PPP2R2B: variants seen among roughly 807,000 people sequenced by gnomAD.
The protein encoded by PPP2R2B is protein phosphatase 2 regulatory subunit Bbeta, also known as serine/threonine-protein phosphatase 2A 55 kDa regulatory subunit B beta isoform.
In PPP2R2B, 5 loss-of-function variants were observed where a neutral mutation model predicts 46.0. The ratio of observed to expected loss-of-function variants is 0.11; its 90% confidence interval spans 0.06 to 0.23. The LOEUF is 0.23. Among genes scored for constraint, PPP2R2B ranks in the 10% least tolerant of loss-of-function variants. The pLI, the probability that PPP2R2B is intolerant of heterozygous loss-of-function variation, is 1.00. For missense variants in PPP2R2B, 367 were observed against 575.0 expected (o/e 0.64, Z 3.70); for synonymous variants, 215 against 206.7 (o/e 1.04, Z -0.34).
intron 2 of PPP2R2B, among the ~76,000 whole-genome samples, chr5:146,739,330 C>G (rs1347009431): frequency 6.6e-6 from 1 of 152,134 alleles, no homozygotes; most frequent in African/African-American, 2.4e-5. Context: ...AGAAGTGCAT[C>G]TAAATGGAAT....
chr5:146,647,308 T>G (rs1308651886), intron 6 of PPP2R2B, among the ~76,000 whole-genome samples: 2 of 152,234 alleles, frequency 1.3e-5, no homozygotes, highest in Non-Finnish European at 2.9e-5. Context: ...TGAACCATGT[T>G]TCTTCTGTCT....
At chr5:147,004,730 A>G (rs1754352592) in intron 1 of PPP2R2B, among the ~76,000 whole-genome samples, 1 of 152,122 alleles carries the variant, frequency 6.6e-6, no homozygotes, top group Admixed American at 6.6e-5. Flanking sequence ...TAGGCATTGG[A>G]AGAAACAAAC....
chr5:146,651,982 C>G (rs1775990705), intron 5 of PPP2R2B, among the ~76,000 whole-genome samples: 1 of 152,136 alleles, frequency 6.6e-6, no homozygotes, highest in South Asian at 2.1e-4. Flanking sequence ...GAATTCTAGA[C>G]AGATGTGGTA....
At chr5:146,632,288 G>T (rs755300847) in intron 7 of PPP2R2B, among the ~76,000 whole-genome samples, 29 of 152,138 alleles carry the variant, frequency 1.9e-4, no homozygotes, top group Non-Finnish European at 3.1e-4. Flanking sequence ...AAGCCAAGGA[G>T]AGCAGTGTGG....
intron 5 of PPP2R2B, 39 bp from the exon 6 acceptor site, chr5:146,650,763 A>C (rs746506895): frequency 4.7e-5 from 74 of 1,579,894 alleles, no homozygotes; most frequent in Non-Finnish European, 3.0e-5. Context: ...AGAACCAAAG[A>C]TCTTCCATAG....
Position 146,590,045 on chromosome 5 carries a change from T to C in PPP2R2B, c.1234A>G (p.Ser412Gly). ...DEISVDSLDF[S>G]KKILHTAWHP... ...CAAGCTGTATGCAAGATCTTTTTGC[T>C]AAAGTCCAGACTGTCGACACTGATC... Residue 412 changes from serine (S) to glycine (G), a missense_variant, in exon 10 of 10, where the codon AGC becomes GGC. Coordinates refer to ENST00000394411, the MANE Select transcript of PPP2R2B (RefSeq NM_181675.4). 1 of 1,614,232 alleles carries C rather than the reference T, an allele frequency of 6.2e-7. No homozygotes were observed. The highest frequency in any genetic ancestry group is 8.5e-7 in the Non-Finnish European group (1 of 1,180,046).
intron 2 of PPP2R2B, among the ~76,000 whole-genome samples, chr5:146,791,099 A>C (rs1756170894): frequency 6.6e-6 from 1 of 152,196 alleles, no homozygotes; most frequent in African/African-American, 2.4e-5. Context: ...CCTATCTTTT[A>C]GGACCTGTTT....
At chr5:146,913,458 T>G (rs1326019337) in intron 1 of PPP2R2B, among the ~76,000 whole-genome samples, 1 of 152,194 alleles carries the variant, frequency 6.6e-6, no homozygotes, top group Non-Finnish European at 1.5e-5. Flanking sequence ...TAGTAAAAAT[T>G]GAAAGAAATA....
At chr5:146,628,876 G>T (rs370270077) in intron 7 of PPP2R2B, among the ~76,000 whole-genome samples, 6 of 152,144 alleles carry the variant, frequency 3.9e-5, no homozygotes, top group African/African-American at 9.7e-5. Context: ...TGATCCTAAT[G>T]TATTTCTAAA....
At chr5:146,881,272 C>T (rs1281511273), upstream of PPP2R2B, among the ~76,000 whole-genome samples, 3 of 152,220 alleles carry the variant, frequency 2.0e-5, no homozygotes, top group Admixed American at 6.5e-5. Context: ...CCTGACCACA[C>T]GATAGTCCTG....
intron 2 of PPP2R2B, among the ~76,000 whole-genome samples, chr5:146,795,839 CAG>C (rs1188743193): frequency 1.3e-5 from 2 of 152,056 alleles, no homozygotes; most frequent in African/African-American, 4.8e-5. Context: ...GACTAAAAAA[CAG>C]AAGATTCGAT....
At chr5:146,836,119 A>T (rs1157793842) in intron 2 of PPP2R2B, among the ~76,000 whole-genome samples, 1 of 152,220 alleles carries the variant, frequency 6.6e-6, no homozygotes, top group Admixed American at 6.5e-5. Flanking sequence ...AAATTGTAAC[A>T]GAAAATTCCC....
At chr5:146,639,361 A>G (rs762690585) in intron 6 of PPP2R2B, among the ~76,000 whole-genome samples, 4 of 152,184 alleles carry the variant, frequency 2.6e-5, no homozygotes, top group Admixed American at 1.3e-4. Context: ...TTTCTGATCA[A>G]GAATTATACC....
At chr5:146,741,181 T>A (rs1158540898) in intron 2 of PPP2R2B, among the ~76,000 whole-genome samples, 1 of 152,070 alleles carries the variant, frequency 6.6e-6, no homozygotes, top group East Asian at 1.9e-4. Flanking sequence ...AAAAACCTAG[T>A]TGATAAGGAT....
At chr5:146,689,629 G>T (rs1441484454) in intron 5 of PPP2R2B, among the ~76,000 whole-genome samples, 2 of 152,142 alleles carry the variant, frequency 1.3e-5, no homozygotes. Flanking sequence ...ATATATGACT[G>T]TCATATGCCC....
intron 2 of PPP2R2B, among the ~76,000 whole-genome samples, chr5:146,871,963 G>T (rs992152072): frequency 6.6e-6 from 1 of 152,196 alleles, no homozygotes; most frequent in Admixed American, 6.5e-5. Context: ...CTAGGAAAAT[G>T]CCTGGAATAG....
chr5:146,943,465 C>T (rs1276446591), intron 1 of PPP2R2B, among the ~76,000 whole-genome samples: 2 of 152,104 alleles, frequency 1.3e-5, no homozygotes, highest in African/African-American at 4.8e-5. Flanking sequence ...GTAACTAAAC[C>T]CTTTTCTCTC....
intron 1 of PPP2R2B, among the ~76,000 whole-genome samples, chr5:146,911,018 C>T (rs915589576): frequency 2.0e-5 from 3 of 152,014 alleles, no homozygotes; most frequent in East Asian, 1.9e-4. Context: ...TTAACTCTGC[C>T]TCATCTTTTA....
chr5:146,590,398 G>GTTTTTTTTTTTTT (rs1221281341), intron 9 of PPP2R2B, among the ~76,000 whole-genome samples, 172 bp from the exon 10 acceptor site: 17 of 113,396 alleles, frequency 1.5e-4, no homozygotes, highest in Non-Finnish European at 1.9e-4. Context: ...TTTTTTTTGT[G>GTTTTTTTTTTTTT]TTTTTTTTTT....
Sources: allele counts gnomAD v4.1 joint callset (sites outside exome capture counted in the v4.1 genomes callset), GRCh38; gene constraint gnomAD v4.1.1; transcripts MANE v1.5; gene names NCBI Gene and HGNC (gene_info 2026-07-23, HGNC 2026-07-21).